The following EPS15L1 variants were observed in gnomAD, a reference collection of about 807,000 sequenced individuals.
EPS15L1 encodes the protein epidermal growth factor receptor substrate 15-like 1.
Under a neutral mutation model 117.1 loss-of-function variants are expected in EPS15L1, and 43 were observed. The ratio of observed to expected loss-of-function variants is 0.37; its 90% CI spans 0.29 to 0.47. The LOEUF (loss-of-function observed/expected upper bound fraction) is 0.47, where lower values mean the gene tolerates loss of function less well. Among genes scored for constraint, EPS15L1 ranks in the 20% least tolerant of loss-of-function variants. The pLI, the probability that EPS15L1 is intolerant of heterozygous loss-of-function variation, is 0.99. For synonymous variants in EPS15L1, 459 were observed against 470.5 expected, an observed-to-expected ratio of 0.98 and a Z score of 0.32; for missense variants, 981 against 1,164.0, an observed-to-expected ratio of 0.84 and a Z score of 2.29.
At position 16,355,551 on chromosome 19, in the gene EPS15L1, G is replaced by T; in HGVS notation, c.*154C>A. The T allele has an allele frequency of 1.0e-6, 1 of 967,592 alleles. No homozygotes were observed. Among genetic ancestry groups the T allele is most frequent in the Non-Finnish European group, 1.5e-6 (1 of 673,074 alleles). The allele number at this position is 967,592 out of a possible 1,614,324, so 59.9% of individuals were successfully genotyped here. On this transcript the variant is annotated 3_prime_UTR_variant, in exon 24 of 24. Coordinates refer to ENST00000455140, the MANE Select transcript of EPS15L1 (RefSeq NM_001258374.3). ...TTCCCCAGGAGATGTGACCTTTCCAGGTCTTGCAGCCGAGTCTGCTCACCC... is the reference window on the plus strand; with the variant it reads ...TTCCCCAGGAGATGTGACCTTTCCATGTCTTGCAGCCGAGTCTGCTCACCC...
At chr19:16,377,028 C>T in intron 22 of EPS15L1, 94 bp downstream of exon 22, 1 of 1,453,054 alleles carries the variant, frequency 6.9e-7, no homozygotes, top group South Asian at 1.4e-5. Flanking sequence ...CCCACGGCAT[C>T]TGCTGCTACT....
intron 12 of EPS15L1, among the ~76,000 whole-genome samples, chr19:16,415,253 C>T (rs538765652): frequency 1.5e-4 from 23 of 152,218 alleles, no homozygotes; most frequent in South Asian, 8.3e-4. Context: ...CCCGATCTGC[C>T]GGTATCTGGA....
intron 1 of EPS15L1, among the ~76,000 whole-genome samples, chr19:16,458,658 G>A (rs535763889): frequency 1.3e-5 from 2 of 151,846 alleles, no homozygotes; most frequent in Admixed American, 6.6e-5. Context: ...CTACCTTGCC[G>A]GGCTGATTTC....
chr19:16,442,900 C>T (rs752795458), intron 1 of EPS15L1, among the ~76,000 whole-genome samples: 3 of 152,186 alleles, frequency 2.0e-5, no homozygotes, highest in Admixed American at 6.5e-5. Context: ...CGCAGCTAAT[C>T]GGGGCCACCA....
chr19:16,455,395 G>A (rs1166757993), intron 1 of EPS15L1, among the ~76,000 whole-genome samples: 2 of 152,164 alleles, frequency 1.3e-5, no homozygotes, highest in African/African-American at 4.8e-5. Flanking sequence ...CAAAGTGCTG[G>A]GATTACAGGC....
intron 1 of EPS15L1, among the ~76,000 whole-genome samples, chr19:16,457,998 C>T (rs535288403): frequency 6.6e-6 from 1 of 152,134 alleles, no homozygotes. Flanking sequence ...CCCGGGCCTT[C>T]CCAACATTCC....
rs541455656 is a variant in EPS15L1, at chr19:16,393,581, G to A, written c.1966+370C>T. On this transcript the variant is annotated intron_variant, in intron 18 of 23. Coordinates refer to ENST00000455140, the MANE Select transcript of EPS15L1 (RefSeq NM_001258374.3). Reference sequence around the variant, plus strand: ...GGAGAATGGCGTGAACCCGGGAGGCGGAGCTTGCAGTGAGCCGAGATCGCG... The same window carrying A: ...GGAGAATGGCGTGAACCCGGGAGGCAGAGCTTGCAGTGAGCCGAGATCGCG... 7.9e-4 allele frequency among the ~76,000 whole-genome samples: 119 copies of A among 150,314 alleles called. 3 individuals carry two copies. The South Asian group carries it at 0.017, about 22-fold the overall frequency.
intron 1 of EPS15L1, among the ~76,000 whole-genome samples, chr19:16,451,240 C>T (rs973093308): frequency 6.6e-6 from 1 of 152,164 alleles, no homozygotes; most frequent in African/African-American, 2.4e-5. Flanking sequence ...CGTGAGCCAC[C>T]GCGCCCGCCC....
intron 1 of EPS15L1, among the ~76,000 whole-genome samples, chr19:16,451,817 C>A (rs1176814508): frequency 6.7e-6 from 1 of 149,600 alleles, no homozygotes; most frequent in Non-Finnish European, 1.5e-5. Context: ...GCGTGAGCCA[C>A]CGCGCCTGGC....
intron 22 of EPS15L1, among the ~76,000 whole-genome samples, chr19:16,376,689 C>A (rs767152006): frequency 5.3e-5 from 8 of 152,260 alleles, no homozygotes; most frequent in Non-Finnish European, 1.0e-4. Flanking sequence ...TCACCCCCAA[C>A]AGGCCCTCCC....
chr19:16,412,530 G>A (rs926280783), intron 13 of EPS15L1, among the ~76,000 whole-genome samples: 13 of 151,634 alleles, frequency 8.6e-5, no homozygotes, highest in Non-Finnish European at 1.8e-4. Context: ...CTTCACTCTC[G>A]CCAGGCTTGG....
At chr19:16,384,070 G>C (rs566622832) in intron 21 of EPS15L1, 5 of 152,438 alleles carry the variant, frequency 3.3e-5, no homozygotes, top group African/African-American at 7.2e-5. Context: ...GCTCCAGGAG[G>C]GGGGCTGTGT....
chr19:16,418,892 A>AC (rs1453076395), intron 10 of EPS15L1, among the ~76,000 whole-genome samples: 2 of 151,152 alleles, frequency 1.3e-5, no homozygotes, highest in South Asian at 4.2e-4. Flanking sequence ...ACAGACTTCC[A>AC]CCCCCCAGAG....
rs555142019 is a variant in EPS15L1, at chr19:16,457,652, G to C, written c.33+14261C>G. ...CTGGAATGGCGCCCGGGCAGGAGGGGAACAGATTCCAGCCCTCCCTCCTGA... is the reference window on the plus strand; with the variant it reads ...CTGGAATGGCGCCCGGGCAGGAGGGCAACAGATTCCAGCCCTCCCTCCTGA... On this transcript the variant is annotated intron_variant, in intron 1 of 23. Coordinates refer to ENST00000455140, the MANE Select transcript of EPS15L1 (RefSeq NM_001258374.3). 1.0e-3 allele frequency among the ~76,000 whole-genome samples: 159 copies of C among 152,154 alleles called. 2 individuals are homozygous for C. Among genetic ancestry groups the C allele is most frequent in the South Asian group, 7.2e-3 (35 of 4,830 alleles).
At chr19:16,444,171 CAA>C (rs61347144) in intron 1 of EPS15L1, among the ~76,000 whole-genome samples, 163 of 71,170 alleles carry the variant, frequency 2.3e-3, no homozygotes, top group African/African-American at 7.8e-3. Flanking sequence ...GGGAAAAAGT[CAA>C]AAAAAAAAAA....
chr19:16,421,233 G>A, intron 10 of EPS15L1, 86 bp downstream of exon 10: 3 of 1,438,732 alleles, frequency 2.1e-6, no homozygotes, highest in Non-Finnish European at 2.8e-6. Context: ...GCTGGAGGGG[G>A]CCCCCTGACC....
intron 19 of EPS15L1, among the ~76,000 whole-genome samples, chr19:16,391,993 G>A (rs1364356271): frequency 1.3e-5 from 2 of 152,070 alleles, no homozygotes; most frequent in Non-Finnish European, 2.9e-5. Flanking sequence ...GACTAGAGTT[G>A]AGGGGTAGGA....
chr19:16,375,817 T>G (rs2092288224), intron 22 of EPS15L1, among the ~76,000 whole-genome samples: 1 of 152,080 alleles, frequency 6.6e-6, no homozygotes, highest in East Asian at 1.9e-4. Flanking sequence ...GCGGGCTGGG[T>G]CCCCATCCTC....
intron 13 of EPS15L1, among the ~76,000 whole-genome samples, chr19:16,409,597 A>T (rs914964068): frequency 6.6e-6 from 1 of 152,214 alleles, no homozygotes; most frequent in African/African-American, 2.4e-5. Context: ...TTTGCAAGTC[A>T]CATATCTGAC....
Sources: gnomAD v4.1 joint callset for allele counts (sites outside exome capture counted in the v4.1 genomes callset) on GRCh38, gnomAD v4.1.1 for gene constraint, MANE v1.5 for transcripts, NCBI Gene and HGNC (gene_info 2026-07-23, HGNC 2026-07-21) for gene names.